The following RBFOX1 variants were observed in gnomAD, a reference collection of about 807,000 sequenced individuals.
The protein encoded by RBFOX1 is RNA binding fox-1 homolog 1, also known as RNA binding protein fox-1 homolog 1.
A neutral mutation model predicts 57.7 loss-of-function variants in RBFOX1; 8 were observed. The ratio of observed to expected loss-of-function variants is 0.14; its 90% confidence interval spans 0.08 to 0.25. RBFOX1 has a LOEUF of 0.25. Ranked by LOEUF, RBFOX1 falls within the 10% of genes least tolerant of loss-of-function variation. The pLI is 1.00. For synonymous variants in RBFOX1, 326 were observed against 222.4 expected, an observed-to-expected ratio of 1.47 and a Z score of -4.15; for missense variants, 611 against 548.5, an observed-to-expected ratio of 1.11 and a Z score of -1.14.
At chr16:7,256,049 T>C (rs1454400657) in intron 4 of RBFOX1, among the ~76,000 whole-genome samples, 2 of 152,244 alleles carry the variant, frequency 1.3e-5, no homozygotes, top group Non-Finnish European at 2.9e-5. Flanking sequence ...ACATACTGCC[T>C]TTGTAATTTG....
At chr16:7,568,882 C>CAAAAAAAAAAAAAA (rs34858992) in intron 5 of RBFOX1, among the ~76,000 whole-genome samples, 1 of 77,532 alleles carries the variant, frequency 1.3e-5, no homozygotes, top group Non-Finnish European at 2.3e-5. Flanking sequence ...GACTCTGTCT[C>CAAAAAAAAAAAAAA]AAAAAAAAAA....
intron 4 of RBFOX1, among the ~76,000 whole-genome samples, chr16:7,394,070 T>C (rs2098094757): frequency 1.3e-5 from 2 of 151,560 alleles, no homozygotes; most frequent in South Asian, 4.2e-4. Context: ...ACCCCATCTC[T>C]ACGAAAAATA....
At chr16:5,434,317 C>CTT (rs5815245) in intron 1 of RBFOX1, among the ~76,000 whole-genome samples, 6,034 of 79,528 alleles carry the variant, frequency 0.076, 737 homozygotes, top group African/African-American at 0.21. Flanking sequence ...TGCTGAAGTC[C>CTT]TTTTTTTTTT....
chr16:5,767,441 G>A (rs2053825169), intron 3 of RBFOX1, among the ~76,000 whole-genome samples: 2 of 152,204 alleles, frequency 1.3e-5, no homozygotes, highest in Admixed American at 1.3e-4. Flanking sequence ...CAGCTGGGGA[G>A]AGGTGGGTGA....
intron 2 of RBFOX1, among the ~76,000 whole-genome samples, chr16:6,416,952 T>A (rs1258609906): frequency 6.6e-6 from 1 of 152,218 alleles, no homozygotes; most frequent in African/African-American, 2.4e-5. Flanking sequence ...TGTGCATATT[T>A]TATGGTGATC....
intron 13 of RBFOX1, among the ~76,000 whole-genome samples, chr16:7,676,556 C>T (rs1219117511): frequency 2.0e-5 from 3 of 152,144 alleles, no homozygotes; most frequent in Non-Finnish European, 4.4e-5. Flanking sequence ...TTGGGATGTG[C>T]TTATGACCGC....
At chr16:6,761,694 A>G (rs1049232014) in intron 3 of RBFOX1, among the ~76,000 whole-genome samples, 3 of 151,002 alleles carry the variant, frequency 2.0e-5, no homozygotes, top group Non-Finnish European at 3.0e-5. Flanking sequence ...TTTAGTAGAG[A>G]CGAGGTTTCA....
chr16:7,671,495 T>C (rs898168183), intron 13 of RBFOX1: 22 of 1,436,302 alleles, frequency 1.5e-5, no homozygotes, highest in Non-Finnish European at 1.5e-5. Context: ...GTCTGACTTA[T>C]GCATTCTCTT....
At chr16:7,698,064 G>C (rs534836259) in intron 14 of RBFOX1, among the ~76,000 whole-genome samples, 8 of 152,082 alleles carry the variant, frequency 5.3e-5, no homozygotes, top group Non-Finnish European at 1.2e-4. Flanking sequence ...TGTGTTCTAG[G>C]TTAATTCACC....
intron 1 of RBFOX1, among the ~76,000 whole-genome samples, chr16:6,234,308 A>G (rs1034600759): frequency 2.6e-5 from 4 of 152,190 alleles, no homozygotes; most frequent in African/African-American, 9.6e-5. Context: ...AAAAGCAAGT[A>G]TCTCTCCTTT....
At chr16:5,748,217 T>A (rs2053060661) in intron 3 of RBFOX1, among the ~76,000 whole-genome samples, 3 of 152,130 alleles carry the variant, frequency 2.0e-5, no homozygotes, top group African/African-American at 2.4e-5. Flanking sequence ...AGTTCTAGTT[T>A]GATTGCACTG....
chr16:6,250,956 A>T (rs1032987549), intron 1 of RBFOX1, among the ~76,000 whole-genome samples: 3 of 151,950 alleles, frequency 2.0e-5, no homozygotes, highest in African/African-American at 7.3e-5. Flanking sequence ...TTGTTTTTTC[A>T]CACCCAATTT....
At chr16:6,501,131 CTTTTTT>C (rs1003003339) in intron 2 of RBFOX1, among the ~76,000 whole-genome samples, 3 of 107,914 alleles carry the variant, frequency 2.8e-5, no homozygotes, top group African/African-American at 1.1e-4. Context: ...GTTAAACATT[CTTTTTT>C]TTTTTTTTTT....
At chr16:5,595,698 C>T (rs1205978718) in intron 2 of RBFOX1, among the ~76,000 whole-genome samples, 3 of 152,176 alleles carry the variant, frequency 2.0e-5, no homozygotes, top group Non-Finnish European at 4.4e-5. Flanking sequence ...CTACCTCCCT[C>T]GCTGCATCTC....
chr16:5,286,210 C>G (rs1278642663), intron 1 of RBFOX1, among the ~76,000 whole-genome samples: 1 of 152,166 alleles, frequency 6.6e-6, no homozygotes. Context: ...TATGTGGGCA[C>G]TGATGATAGC....
At chr16:6,870,203 A>C in intron 3 of RBFOX1, among the ~76,000 whole-genome samples, 1 of 152,236 alleles carries the variant, frequency 6.6e-6, no homozygotes, top group Non-Finnish European at 1.5e-5. Flanking sequence ...TTTCATCTAG[A>C]ATTTTGCAGG....
intron 2 of RBFOX1, among the ~76,000 whole-genome samples, chr16:6,365,574 G>A (rs563211533): frequency 1.3e-5 from 2 of 152,246 alleles, no homozygotes; most frequent in African/African-American, 2.4e-5. Flanking sequence ...TCTGGGGAGG[G>A]GCACTGGGGT....
At chr16:7,184,071 G>C (rs867575822) in intron 4 of RBFOX1, among the ~76,000 whole-genome samples, 4 of 152,180 alleles carry the variant, frequency 2.6e-5, no homozygotes, top group Non-Finnish European at 5.9e-5. Context: ...GGAGAAGAAG[G>C]CAGGATTGGT....
At chr16:5,270,457 C>G (rs9673221) in intron 1 of RBFOX1, 125,674 of 781,634 alleles carry the variant, frequency 0.16, 10,887 homozygotes, top group East Asian at 0.29. Flanking sequence ...AGGGCAGAAA[C>G]TGCCTGACTA....
Sources: allele counts gnomAD v4.1 joint callset (sites outside exome capture counted in the v4.1 genomes callset), GRCh38; gene constraint gnomAD v4.1.1; transcripts MANE v1.5; gene names NCBI Gene and HGNC (gene_info 2026-07-23, HGNC 2026-07-21).